CYP2S1: variants seen among roughly 807,000 people sequenced by gnomAD.
CYP2S1 encodes the protein cytochrome P450 2S1.
In CYP2S1, 32 loss-of-function variants were observed where a neutral mutation model predicts 43.5. The ratio of observed to expected loss-of-function variants is 0.74; its 90% confidence interval spans 0.56 to 0.99. The LOEUF is 0.99. CYP2S1 is among the 50% of genes least tolerant of loss of function. The pLI is 0.00. For missense variants in CYP2S1, 575 were observed against 673.9 expected, an observed-to-expected ratio of 0.85 and a Z score of 1.62; for synonymous variants, 283 against 302.9, an observed-to-expected ratio of 0.93 and a Z score of 0.68.
In CYP2S1 at chr19:41,203,447, C is replaced by T. The variant is rs1473840667; in HGVS notation, c.977-3C>T. 1.3e-6 allele frequency: 2 copies of T among 1,596,204 alleles called. No homozygotes were observed. ...CTGACTCCTGCCCTCCTCTTGCTTGCAGAGTGGGTACGTGAGGAGCTGAAT... is the reference window on the plus strand; with the variant it reads ...CTGACTCCTGCCCTCCTCTTGCTTGTAGAGTGGGTACGTGAGGAGCTGAAT... On this transcript the variant is annotated splice_region_variant and splice_polypyrimidine_tract_variant and intron_variant, in intron 6 of 8. Transcript: ENST00000310054.
At chr19:41,194,783 T>C (rs2033390749) in intron 2 of CYP2S1, 74 bp downstream of exon 2, 1 of 1,541,620 alleles carries the variant, frequency 6.5e-7, no homozygotes, top group East Asian at 2.4e-5. Flanking sequence ...TGCACATGGC[T>C]TAGTCCCTCT....
Position 41,198,706 on chromosome 19 carries a change from C to T in CYP2S1, c.655-3C>T, listed in dbSNP as rs2033447857. ...TGAGAACTAGCTGCCCTTCTCCCCA[C>T]AGACCTACGAGATGTTCTCCTGGTT... On this transcript the variant is annotated splice_polypyrimidine_tract_variant and splice_region_variant and intron_variant, in intron 4 of 8. Coordinates refer to ENST00000310054, the MANE Select transcript of CYP2S1 (RefSeq NM_030622.8). This position sits in a 1 kb window ranked among gnomAD's most constrained non-coding sequence, Gnocchi z 4.9. 1 of 1,613,906 alleles carries T rather than the reference C, an allele frequency of 6.2e-7. No homozygotes were observed. The highest frequency in any genetic ancestry group is 1.3e-5 in the African/African-American group (1 of 75,054).
rs1416076581 is a variant in CYP2S1 at position 41,206,782 on chromosome 19, A to G, written c.*294A>G. On this transcript the variant is annotated 3_prime_UTR_variant, in exon 9 of 9. Transcript: ENST00000310054. ...TCACAAGCACATAGCCAGGTAACCCACCAACTCCCCTGGATCTGCAGCCCA... is the reference window on the plus strand; with the variant it reads ...TCACAAGCACATAGCCAGGTAACCCGCCAACTCCCCTGGATCTGCAGCCCA... 1 of 607,512 alleles carries G rather than the reference A, an allele frequency of 1.6e-6. No homozygotes were observed. The highest frequency in any genetic ancestry group is 3.7e-5 in the East Asian group (1 of 26,966). 37.6% of individuals were successfully genotyped at this position (607,512 alleles called of 1,614,324 possible).
chr19:41,204,126 G>T (rs183867968), intron 7 of CYP2S1, among the ~76,000 whole-genome samples: 60 of 152,222 alleles, frequency 3.9e-4, no homozygotes, highest in Admixed American at 3.5e-3. Context: ...CTCCCAAAGT[G>T]CTGGGATTAC....
chr19:41,204,809 G>T (rs2033542084), intron 7 of CYP2S1, among the ~76,000 whole-genome samples: 1 of 151,602 alleles, frequency 6.6e-6, no homozygotes, highest in South Asian at 2.1e-4. Context: ...TGTTGGTCAG[G>T]CTGGTCTCAA....
intron 6 of CYP2S1, 123 bp from the exon 7 acceptor site, chr19:41,203,327 G>A (rs2033515434): frequency 4.6e-6 from 5 of 1,090,126 alleles, no homozygotes; most frequent in Non-Finnish European, 5.0e-6. Flanking sequence ...TGAGGGCTGG[G>A]GGACCACTCC....
At chr19:41,205,398 T>TTCTTTCTTTCTCTC (rs1568402581) in intron 7 of CYP2S1, among the ~76,000 whole-genome samples, 1 of 78,000 alleles carries the variant, frequency 1.3e-5, no homozygotes, top group Non-Finnish European at 2.6e-5. Flanking sequence ...CTCTCTTTCT[T>TTCTTTCTTTCTCTC]TCTCTCTTTC....
At position 41,206,132 on chromosome 19, in the gene CYP2S1, G is replaced by T. The variant is rs373976638; in HGVS notation, c.1306+33G>T. 10 of 1,610,986 alleles carry T rather than the reference G, an allele frequency of 6.2e-6. No homozygotes were observed. In the African/African-American group the frequency reaches 8.0e-5, roughly 13 times the overall value. On this transcript the variant is annotated intron_variant, in intron 8 of 8. Coordinates refer to ENST00000310054, the MANE Select transcript of CYP2S1 (RefSeq NM_030622.8). ...CTGCAGCCCTGGGTATCACAAGCAG[G>T]TGCTGGCGAACTCCAGGCATCTGTG... is the stretch of plus-strand genomic sequence containing the variant.
rs1180381607 is a variant in CYP2S1, at chr19:41,203,167, G to A, written c.977-283G>A. On this transcript the variant is annotated intron_variant, in intron 6 of 8. Transcript: ENST00000310054. The stretch of plus-strand genomic sequence containing the variant: ...GCAGAGGTTGTGGTGAGCCAAGATC[G>A]CACCATTGCACTCCAGCCTGGGCAA... 8.0e-5 allele frequency among the ~76,000 whole-genome samples: 12 copies of A among 150,682 alleles called. 1 individual carries two copies. The highest frequency in any genetic ancestry group is 7.3e-4 in the Admixed American group (11 of 15,102).
Position 41,206,414 on chromosome 19 carries a change from C to A in CYP2S1, c.1441C>A (p.Leu481Ile), listed in dbSNP as rs2033579678. The A allele has an allele frequency of 1.9e-6, 3 of 1,614,170 alleles. No homozygotes were observed. Among genetic ancestry groups the A allele is most frequent in the African/African-American group, 2.7e-5 (2 of 75,028 alleles). Residue 481 changes from leucine (L) to isoleucine (I), a missense_variant, in exon 9 of 9, where the codon CTT becomes ATT. Around this residue, in one of 2 missense-constraint regions of CYP2S1, gnomAD observed 222 missense variants for 306.3 expected, o/e 0.72. Transcript: ENST00000310054. ...GAGCCTCAAGCCCACCGTCAGTGGC[C>A]TTTTCAACATTCCCCCAGCCTTCCA... The part of the protein sequence containing the change: ...TLSLKPTVSG[L>I]FNIPPAFQLQ...
intron 7 of CYP2S1, among the ~76,000 whole-genome samples, chr19:41,205,675 C>T (rs987500221): frequency 6.6e-6 from 1 of 151,960 alleles, no homozygotes; most frequent in Admixed American, 6.6e-5. Flanking sequence ...GCTCATACCA[C>T]CATGCCTGGC....
intron 5 of CYP2S1, 141 bp from the exon 6 acceptor site, chr19:41,201,089 TC>T (rs1203967410): frequency 1.8e-6 from 2 of 1,087,542 alleles, no homozygotes; most frequent in African/African-American, 3.2e-5. Flanking sequence ...AAAAAAAAAG[TC>T]TACTTCCCAA....
intron 6 of CYP2S1, among the ~76,000 whole-genome samples, chr19:41,203,237 GAAATA>G (rs948293076): frequency 8.6e-5 from 13 of 151,824 alleles, no homozygotes; most frequent in South Asian, 2.1e-4. Flanking sequence ...ATAATAAAAT[GAAATA>G]AAATAAAATA....
Position 41,206,635 on chromosome 19 carries a change from C to G in CYP2S1, c.*147C>G. The G allele has an allele frequency of 1.0e-6, 1 of 995,216 alleles. No individual in the cohort carries two copies. Among genetic ancestry groups the G allele is most frequent in the South Asian group, 1.3e-5 (1 of 78,150 alleles). The allele number at this position is 995,216 out of a possible 1,614,324, so 61.6% of individuals were successfully genotyped here. ...TTGTTTTCCGGAGTCTGTCCCACGG[C>G]CCACACGCTCACTTGACTCATGCTG... On this transcript the variant is annotated 3_prime_UTR_variant, in exon 9 of 9. Coordinates refer to ENST00000310054, the MANE Select transcript of CYP2S1 (RefSeq NM_030622.8).
At chr19:41,195,909 CATT>C (rs1011013993) in intron 2 of CYP2S1, among the ~76,000 whole-genome samples, 4 of 151,970 alleles carry the variant, frequency 2.6e-5, no homozygotes, top group African/African-American at 4.8e-5. Context: ...AACAAAAAAT[CATT>C]ATACCTGGTA....
intron 8 of CYP2S1, 88 bp from the exon 9 acceptor site, chr19:41,206,192 C>T (rs1165600696): frequency 6.2e-7 from 1 of 1,609,100 alleles, no homozygotes; most frequent in Non-Finnish European, 8.5e-7. Context: ...CCTGGGCTTA[C>T]TGTTGGCTCC....
In CYP2S1 at chr19:41,194,598, G is replaced by C; in HGVS notation, c.232G>C (p.Val78Leu). 3 of 1,611,504 alleles carry C rather than the reference G, an allele frequency of 1.9e-6. No homozygotes were observed. Among genetic ancestry groups the C allele is most frequent in the Non-Finnish European group, 2.5e-6 (3 of 1,178,994 alleles). Residue 78 changes from valine to leucine, a missense_variant, in exon 2 of 9, where the codon GTG (valine) becomes CTG (leucine). This residue lies in a region of CYP2S1 where 353 missense variants were observed against 367.6 expected (regional missense o/e 0.96). Coordinates refer to ENST00000310054, the MANE Select transcript of CYP2S1 (RefSeq NM_030622.8). The stretch of plus-strand genomic sequence containing the variant: ...CATCTACCTGGGACCCTGGCGGCCT[G>C]TGGTGGTCCTGGTTGGGCAGGAGGC... ...FTIYLGPWRP[V>L]VVLVGQEAVR...
At chr19:41,205,589 A>C (rs1438763203) in intron 7 of CYP2S1, among the ~76,000 whole-genome samples, 2 of 151,452 alleles carry the variant, frequency 1.3e-5, no homozygotes, top group African/African-American at 2.4e-5. Context: ...TGGTACAAGC[A>C]TAGCTCACAG....
intron 1 of CYP2S1, 138 bp downstream of exon 1, chr19:41,193,579 G>A (rs1316714496): frequency 3.0e-6 from 4 of 1,337,322 alleles, no homozygotes; most frequent in African/African-American, 3.1e-5. Context: ...GGCTGCTGCT[G>A]TCCTGGGGTT....
Sources: gnomAD v4.1 joint callset for allele counts (sites outside exome capture counted in the v4.1 genomes callset) on GRCh38, gnomAD v4.1.1 for gene constraint, gnomAD v4.1.1 regional missense constraint, Gnocchi (gnomAD v3.1) non-coding constraint, MANE v1.5 for transcripts, NCBI Gene and HGNC (gene_info 2026-07-23, HGNC 2026-07-21) for gene names.